Variants in ZNF711 observed in about 807,000 individuals in gnomAD.
ZNF711 encodes ZFX family zinc finger ZNF711.
In ZNF711, 3 loss-of-function variants were observed where a neutral mutation model predicts 43.5. The ratio of observed to expected loss-of-function variants is 0.07; its 90% CI spans 0.03 to 0.18. ZNF711 has a LOEUF of 0.18. ZNF711 is among the 10% of genes least tolerant of loss of function. ZNF711 has a pLI of 1.00. For missense variants in ZNF711, 412 were observed against 604.0 expected, an observed-to-expected ratio of 0.68 and a Z score of 3.33; for synonymous variants, 209 against 207.7, an observed-to-expected ratio of 1.01 and a Z score of -0.06.
At chrX:85,259,760 A>C in intron 5 of ZNF711, among the ~76,000 whole-genome samples, 1 of 111,519 alleles carries the variant, frequency 9.0e-6, no homozygotes, top group African/African-American at 3.2e-5. Flanking sequence ...AGCCTTAATA[A>C]AATTGTTTAT....
intron 4 of ZNF711, among the ~76,000 whole-genome samples, chrX:85,250,413 C>T (rs898126128): frequency 8.9e-6 from 1 of 111,814 alleles, no homozygotes; most frequent in African/African-American, 3.2e-5. Flanking sequence ...TTGTGAACTA[C>T]TTCTAATTTT....
intron 5 of ZNF711, among the ~76,000 whole-genome samples, chrX:85,263,338 C>T (rs749344390): frequency 1.4e-4 from 16 of 110,695 alleles, no homozygotes; most frequent in Middle Eastern, 5.1e-3. Context: ...GTTGCCTTAT[C>T]TTTATATATG....
Position 85,270,688 on chromosome X carries a change from G to A in ZNF711, c.1284G>A (p.Val428=). ...IIGPDGQPLT[V]YPCHICTKKF... is the part of the protein sequence containing the mutation. ...GTCCTGATGGACAGCCCCTCACAGT[G>A]TACCCTTGCCATATTTGCACAAAAA... The change falls in exon 11 of 11, where the codon GTG becomes GTA. Residue 428 remains valine (V), a synonymous_variant. Coordinates refer to ENST00000674551, the MANE Select transcript of ZNF711 (RefSeq NM_001330574.2). The A allele has an allele frequency of 8.3e-7, 1 of 1,208,215 alleles. No homozygotes were observed. Among genetic ancestry groups the A allele is most frequent in the Non-Finnish European group, 1.1e-6 (1 of 893,682 alleles).
chrX:85,255,744 G>A lies in ZNF711; in HGVS notation c.565G>A (p.Glu189Lys). Residue 189 changes from glutamate (E) to lysine (K), a missense_variant, in exon 5 of 11, where the codon GAA (glutamate) becomes AAA (lysine). Glu to Lys is a moderately conservative substitution (Grantham distance 56, BLOSUM62 1). This residue lies in a region of ZNF711 where 375 missense variants were observed against 514.2 expected (regional missense o/e 0.73). Transcript: ENST00000674551. The stretch of plus-strand genomic sequence containing the variant: ...TGGTTCTACAGTTACTATAAAAACC[G>A]AAGATGATGATGATGATGATGTCAA... The part of the protein sequence containing the change: ...VPGSTVTIKT[E>K]DDDDDDVKST... 5.0e-6 allele frequency: 6 copies of A among 1,210,558 alleles called. No individual in the cohort carries two copies. The highest frequency in any genetic ancestry group is 4.5e-6 in the Non-Finnish European group (4 of 895,141).
At chrX:85,248,925 G>C (rs755467644) in intron 4 of ZNF711, among the ~76,000 whole-genome samples, 1 of 112,056 alleles carries the variant, frequency 8.9e-6, no homozygotes, top group East Asian at 2.8e-4. Context: ...TGGCAGTGCT[G>C]TTAACTAGCT....
At chrX:85,247,834 A>G (rs180963457) in intron 4 of ZNF711, among the ~76,000 whole-genome samples, 183 bp downstream of exon 4, 1 of 111,371 alleles carries the variant, frequency 9.0e-6, no homozygotes, top group East Asian at 2.8e-4. Flanking sequence ...CACTTTTACA[A>G]TTTAGGGGAA....
intron 7 of ZNF711, 103 bp downstream of exon 7, chrX:85,265,358 A>C: frequency 1.1e-6 from 1 of 897,522 alleles, no homozygotes; most frequent in Non-Finnish European, 1.6e-6. Context: ...AGTTCAATAA[A>C]ATAAGCCTGA....
At chrX:85,263,060 A>G (rs967769521) in intron 5 of ZNF711, among the ~76,000 whole-genome samples, 6 of 110,561 alleles carry the variant, frequency 5.4e-5, no homozygotes, top group Non-Finnish European at 1.1e-4. Context: ...TTACATATAT[A>G]TAATAAGGAG....
At chrX:85,259,564 G>A (rs1211134963) in intron 5 of ZNF711, among the ~76,000 whole-genome samples, 1 of 110,901 alleles carries the variant, frequency 9.0e-6, no homozygotes, top group Non-Finnish European at 1.9e-5. Context: ...TGTCATCTGT[G>A]ATTTCATTTA....
At chrX:85,246,137 A>G (rs1339553762) in intron 2 of ZNF711, 115 bp downstream of exon 2, 1 of 112,241 alleles carries the variant, frequency 8.9e-6, no homozygotes, top group Non-Finnish European at 1.9e-5. Context: ...TAAAGAAAGT[A>G]ATTACTCTAA....
chrX:85,255,337 ATGT>A lies in ZNF711; in HGVS notation c.162_164del (p.Val55del). The A allele has an allele frequency of 2.5e-6, 3 of 1,211,262 alleles. No individual in the cohort carries two copies. Among genetic ancestry groups the A allele is most frequent in the South Asian group, 1.8e-5 (1 of 56,948 alleles). On this transcript the variant is annotated inframe_deletion, in exon 5 of 11. Coordinates refer to ENST00000674551, the MANE Select transcript of ZNF711 (RefSeq NM_001330574.2). ...GTTCCTGAAGCTGTTTTAGTTTCTG[ATGT>A]TGTCACAGATGATGGGATAACTCTT...
intron 10 of ZNF711, 134 bp downstream of exon 10, chrX:85,270,280 G>GTTT: frequency 5.9e-5 from 29 of 493,230 alleles, no homozygotes; most frequent in East Asian, 8.3e-5. Flanking sequence ...ATAGATAATT[G>GTTT]TTTTTTTTTT....
intron 1 of ZNF711, among the ~76,000 whole-genome samples, chrX:85,245,152 A>G (rs1034196115): frequency 8.9e-6 from 1 of 111,834 alleles, no homozygotes; most frequent in Admixed American, 9.4e-5. Flanking sequence ...CTACTTTCGC[A>G]TTCTCTTGTT....
rs1471128641 is a variant in ZNF711 at position 85,270,741 on chromosome X, G to A, written c.1337G>A (p.Arg446Lys). ...TTTAAATCCAGGGGATTCTTAAAAA[G>A]ACACATGAAGAATCATCCTGATCAT... ...KKFKSRGFLKRHMKNHPDHLM... is the reference protein window; with the variant it reads ...KKFKSRGFLKKHMKNHPDHLM... Residue 446 changes from arginine (R) to lysine (K), a missense_variant, in exon 11 of 11, where the codon AGA becomes AAA. Arg to Lys is a conservative substitution (Grantham distance 26). Coordinates refer to ENST00000674551, the MANE Select transcript of ZNF711 (RefSeq NM_001330574.2). 4.4e-5 allele frequency: 53 copies of A among 1,203,451 alleles called. No individual in the cohort carries two copies. The highest frequency in any genetic ancestry group is 5.7e-5 in the Non-Finnish European group (51 of 891,406).
At position 85,271,012 on chromosome X, in the gene ZNF711, G is replaced by A. The variant is rs766391381; in HGVS notation, c.1608G>A (p.Leu536=). 1.5e-5 allele frequency: 18 copies of A among 1,211,161 alleles called. No homozygotes were observed. In the Middle Eastern group the frequency reaches 6.9e-4, roughly 46 times the overall value. ...YCDYETAEQG[L]LNRHLLAVHS... is the part of the protein sequence containing the mutation. ...ACTATGAAACTGCAGAACAAGGACT[G>A]TTAAACAGGCATTTGTTGGCCGTTC... Residue 536 remains leucine (L), a synonymous_variant, in exon 11 of 11, where the codon CTG becomes CTA. Transcript: ENST00000674551.
intron 5 of ZNF711, among the ~76,000 whole-genome samples, 163 bp downstream of exon 5, chrX:85,255,964 T>C (rs1447363093): frequency 8.9e-6 from 1 of 111,928 alleles, no homozygotes; most frequent in Non-Finnish European, 1.9e-5. Context: ...AGTTTACTGA[T>C]GTTTTTAATT....
At chrX:85,264,198 AGTG>A in intron 5 of ZNF711, 74 bp from the exon 6 acceptor site, 2 of 831,483 alleles carry the variant, frequency 2.4e-6, no homozygotes, top group Non-Finnish European at 1.8e-6. Flanking sequence ...CCCACTAAAT[AGTG>A]GTAATTTTTC....
intron 10 of ZNF711, 74 bp downstream of exon 10, chrX:85,270,220 C>A: frequency 9.4e-7 from 1 of 1,062,174 alleles, no homozygotes; most frequent in South Asian, 2.0e-5. Flanking sequence ...AGAAAAATAT[C>A]GATGGTTTAC....
chrX:85,255,860 G>A, intron 5 of ZNF711, 59 bp downstream of exon 5: 1 of 1,114,480 alleles, frequency 9.0e-7, no homozygotes, highest in East Asian at 3.0e-5. Flanking sequence ...ATCTGGAAAA[G>A]TTTTCTGGGA....
Sources: allele counts gnomAD v4.1 joint callset (sites outside exome capture counted in the v4.1 genomes callset), GRCh38; gene constraint gnomAD v4.1.1; regional missense constraint gnomAD v4.1.1; transcripts MANE v1.5; gene names NCBI Gene and HGNC (gene_info 2026-07-23, HGNC 2026-07-21).